Variants in EPHA6 observed in about 807,000 individuals in gnomAD.
The protein encoded by EPHA6 is EPH receptor A6, also known as ephrin type-A receptor 6.
Under a neutral mutation model 112.0 loss-of-function variants are expected in EPHA6, and 50 were observed. The ratio of observed to expected loss-of-function variants is 0.45; its 90% CI spans 0.36 to 0.56. The LOEUF (loss-of-function observed/expected upper bound fraction) is 0.56. Ranked by LOEUF, EPHA6 falls within the 20% of genes least tolerant of loss-of-function variation. The pLI is 0.00. For missense variants in EPHA6, 1,280 were observed against 1,417.4 expected (o/e 0.90, Z 1.56); for synonymous variants, 529 against 490.7 (o/e 1.08, Z -1.03).
At chr3:97,586,022 A>G (rs780512770) in intron 11 of EPHA6, among the ~76,000 whole-genome samples, 18 of 152,214 alleles carry the variant, frequency 1.2e-4, no homozygotes, top group Non-Finnish European at 1.8e-4. Context: ...CAGCTATAGA[A>G]AGTTGCTCTT....
Position 96,856,825 on chromosome 3 carries a change from C to A in EPHA6, c.386-10000C>A, listed in dbSNP as rs116521879. ...TTGGTCTTTTGAATGGATTTACCTG[C>A]AGGGAAGGAGGTTCCCTGGGGAGAC... is the stretch of plus-strand genomic sequence containing the variant. On this transcript the variant is annotated intron_variant, in intron 1 of 17. Transcript: ENST00000389672. Among the ~76,000 whole-genome samples the A allele has an allele frequency of 2.9e-3, 443 of 152,192 alleles. 4 individuals are homozygous for A. Among genetic ancestry groups the A allele is most frequent in the African/African-American group, 9.7e-3 (401 of 41,526 alleles).
At chr3:97,321,916 T>A (rs143609064) in intron 5 of EPHA6, among the ~76,000 whole-genome samples, 1 of 152,164 alleles carries the variant, frequency 6.6e-6, no homozygotes, top group Non-Finnish European at 1.5e-5. Context: ...CAAATGTTAT[T>A]AAGAATGTTA....
chr3:97,018,299 G>A (rs1275997728), intron 3 of EPHA6, among the ~76,000 whole-genome samples: 7 of 151,926 alleles, frequency 4.6e-5, no homozygotes, highest in South Asian at 4.1e-4. Flanking sequence ...CCCCATGTGC[G>A]GAGACGAGAG....
chr3:96,880,583 A>G (rs942740712), intron 2 of EPHA6, among the ~76,000 whole-genome samples: 10 of 152,110 alleles, frequency 6.6e-5, no homozygotes, highest in Admixed American at 3.3e-4. Context: ...AAAGTGAACA[A>G]CTCAGTATCA....
chr3:97,127,648 G>A (rs1215994910), intron 3 of EPHA6, among the ~76,000 whole-genome samples: 1 of 151,356 alleles, frequency 6.6e-6, no homozygotes, highest in Non-Finnish European at 1.5e-5. Context: ...TTGAACCTGA[G>A]AGGCAGAGGT....
intron 2 of EPHA6, among the ~76,000 whole-genome samples, chr3:96,972,080 A>G (rs1237876727): frequency 6.6e-6 from 1 of 152,100 alleles, no homozygotes; most frequent in Non-Finnish European, 1.5e-5. Flanking sequence ...TCATTTGTGT[A>G]TTAATCATCT....
intron 3 of EPHA6, among the ~76,000 whole-genome samples, chr3:97,094,563 A>G (rs1168857551): frequency 6.6e-6 from 1 of 152,154 alleles, no homozygotes; most frequent in East Asian, 1.9e-4. Context: ...CTAGGCAGCT[A>G]TTTATCTTGA....
At position 97,642,807 on chromosome 3, in the gene EPHA6, C is replaced by T. The variant is rs201370754; in HGVS notation, c.2784+4725C>T. ...GGACTATGTGAAAAGACCAAATCTA[C>T]GTCTGATTGGTGTACCTGAAAGTGT... is the stretch of plus-strand genomic sequence containing the variant. On this transcript the variant is annotated intron_variant, in intron 14 of 17. Transcript: ENST00000389672. Among the ~76,000 whole-genome samples, 234 of 151,406 alleles carry T rather than the reference C, an allele frequency of 1.5e-3. 6 individuals carry two copies. In the East Asian group the frequency reaches 0.032, roughly 21 times the overall value.
At chr3:97,645,163 A>C (rs301944) in intron 14 of EPHA6, among the ~76,000 whole-genome samples, 2 of 151,774 alleles carry the variant, frequency 1.3e-5, no homozygotes, top group African/African-American at 2.4e-5. Context: ...TCCCATTACT[A>C]GGTATATACC....
In EPHA6 at chr3:97,751,125, T is replaced by C. The variant is rs957670543; in HGVS notation, c.*2424T>C. 1.1e-4 allele frequency among the ~76,000 whole-genome samples: 17 copies of C among 152,150 alleles called. No homozygotes were observed. Among genetic ancestry groups the C allele is most frequent in the Admixed American group, 7.9e-4 (12 of 15,272 alleles). On this transcript the variant is annotated 3_prime_UTR_variant, in exon 18 of 18. Coordinates refer to ENST00000389672, the MANE Select transcript of EPHA6 (RefSeq NM_001080448.3). ...AAAAGGTATTTAGGAAAATAAGGAATAGAATAATATGGTCTTCCACAGGAC... is the reference window on the plus strand; with the variant it reads ...AAAAGGTATTTAGGAAAATAAGGAACAGAATAATATGGTCTTCCACAGGAC...
At chr3:97,344,599 C>T (rs974794483) in intron 5 of EPHA6, among the ~76,000 whole-genome samples, 1 of 152,122 alleles carries the variant, frequency 6.6e-6, no homozygotes, top group African/African-American at 2.4e-5. Context: ...TTACACCCCC[C>T]AGAACTGTAA....
At chr3:97,372,123 G>C (rs1340774126) in intron 5 of EPHA6, among the ~76,000 whole-genome samples, 1 of 151,826 alleles carries the variant, frequency 6.6e-6, no homozygotes, top group Non-Finnish European at 1.5e-5. Context: ...CACCCTATTC[G>C]TACACTCCCT....
At chr3:97,243,703 C>T (rs1314287328) in intron 4 of EPHA6, among the ~76,000 whole-genome samples, 1 of 151,444 alleles carries the variant, frequency 6.6e-6, no homozygotes. Context: ...TTACAGATAT[C>T]CTGATTTTTA....
At chr3:96,840,576 C>G (rs1173738346) in intron 1 of EPHA6, among the ~76,000 whole-genome samples, 2 of 152,104 alleles carry the variant, frequency 1.3e-5, no homozygotes, top group Non-Finnish European at 2.9e-5. Context: ...AGATGAATGA[C>G]TTGCTGTCTG....
intron 2 of EPHA6, among the ~76,000 whole-genome samples, chr3:96,899,231 T>G (rs1338838585): frequency 6.6e-6 from 1 of 152,176 alleles, no homozygotes; most frequent in African/African-American, 2.4e-5. Flanking sequence ...TGTATCACTC[T>G]ACCTTCTGCC....
chr3:97,448,542 C>T, intron 6 of EPHA6, 26 bp from the exon 7 acceptor site: 1 of 1,610,282 alleles, frequency 6.2e-7, no homozygotes, highest in Non-Finnish European at 8.5e-7. Flanking sequence ...GTTTCATTTC[C>T]TTTCTCCTTT....
intron 3 of EPHA6, among the ~76,000 whole-genome samples, chr3:97,096,264 C>G (rs971843787): frequency 6.9e-6 from 1 of 145,258 alleles, no homozygotes; most frequent in Non-Finnish European, 1.5e-5. Flanking sequence ...CACATACACA[C>G]ACATACACAC....
intron 3 of EPHA6, among the ~76,000 whole-genome samples, chr3:97,151,784 A>G (rs1441618887): frequency 1.3e-5 from 2 of 152,104 alleles, no homozygotes; most frequent in East Asian, 3.8e-4. Flanking sequence ...TTTCACTTTA[A>G]TACAATAAAT....
chr3:97,588,803 C>T lies in EPHA6; in HGVS notation c.2387-3809C>T, dbSNP rs116598469. Among the ~76,000 whole-genome samples, 1,046 of 152,232 alleles carry T rather than the reference C, an allele frequency of 6.9e-3. 5 individuals carry two copies. The highest frequency in any genetic ancestry group is 0.023 in the African/African-American group (961 of 41,562). ...TTTAAGCTCATTGTTAGTCTGTTAT[C>T]TTTTACACAAATGTTTTTTGACAAT... On this transcript the variant is annotated intron_variant, in intron 11 of 17. Transcript: ENST00000389672.
Sources: allele counts gnomAD v4.1 joint callset (sites outside exome capture counted in the v4.1 genomes callset), GRCh38; gene constraint gnomAD v4.1.1; transcripts MANE v1.5; gene names NCBI Gene and HGNC (gene_info 2026-07-23, HGNC 2026-07-21).